Variants in CACNB2 observed in about 807,000 individuals in gnomAD.
CACNB2 encodes voltage-dependent L-type calcium channel subunit beta-2.
Under a neutral mutation model 73.3 loss-of-function variants are expected in CACNB2, and 42 were observed. The ratio of observed to expected loss-of-function variants is 0.57; its 90% confidence interval spans 0.45 to 0.74. The LOEUF (loss-of-function observed/expected upper bound fraction) is 0.74. CACNB2 is among the 30% of genes least tolerant of loss of function. CACNB2 has a pLI of 0.00. For missense variants in CACNB2, 940 were observed against 853.0 expected, an observed-to-expected ratio of 1.10 and a Z score of -1.27; for synonymous variants, 348 against 310.3, an observed-to-expected ratio of 1.12 and a Z score of -1.28.
At chr10:18,195,786 CAGA>C (rs1202153022) in intron 2 of CACNB2, among the ~76,000 whole-genome samples, 2 of 152,090 alleles carry the variant, frequency 1.3e-5, no homozygotes, top group Non-Finnish European at 2.9e-5. Flanking sequence ...TGAGTTGTTG[CAGA>C]AGAAGAAAAA....
rs144741475 is a variant in CACNB2 at position 18,210,058 on chromosome 10, G to C, written c.213+59083G>C. On this transcript the variant is annotated intron_variant, in intron 2 of 13. Coordinates refer to ENST00000324631, the MANE Select transcript of CACNB2 (RefSeq NM_201596.3). ...TAAGGTTGAGAAGAGGTCTCCTTTT[G>C]AGTTACAGGAGGAGGGAATGTCATA... Among the ~76,000 whole-genome samples, 7 of 152,256 alleles carry C rather than the reference G, an allele frequency of 4.6e-5. No individual in the cohort carries two copies. In the East Asian group the frequency reaches 1.2e-3, roughly 25 times the overall value.
intron 3 of CACNB2, among the ~76,000 whole-genome samples, chr10:18,466,959 G>C (rs1178390408): frequency 1.3e-5 from 2 of 152,182 alleles, no homozygotes; most frequent in African/African-American, 4.8e-5. Flanking sequence ...GCTGAGAGCA[G>C]CCTGGCCAAC....
intron 2 of CACNB2, among the ~76,000 whole-genome samples, chr10:18,301,159 AT>A (rs1312131755): frequency 6.6e-6 from 1 of 152,178 alleles, no homozygotes; most frequent in African/African-American, 2.4e-5. Context: ...GGTGATTTTA[AT>A]CCTGACACCA....
At chr10:18,228,962 G>A (rs1043825062) in intron 2 of CACNB2, among the ~76,000 whole-genome samples, 3 of 152,008 alleles carry the variant, frequency 2.0e-5, no homozygotes, top group Non-Finnish European at 4.4e-5. Context: ...AGCTGGTCTC[G>A]AACTCCTGAC....
At chr10:18,246,214 C>T (rs1011030421) in intron 2 of CACNB2, among the ~76,000 whole-genome samples, 1 of 152,152 alleles carries the variant, frequency 6.6e-6, no homozygotes, top group Non-Finnish European at 1.5e-5. Flanking sequence ...CCTCTAGGCT[C>T]AGCTTTCCTG....
At chr10:18,200,769 T>C (rs1474891946) in intron 2 of CACNB2, among the ~76,000 whole-genome samples, 1 of 152,194 alleles carries the variant, frequency 6.6e-6, no homozygotes, top group African/African-American at 2.4e-5. Context: ...AGTTGCCAAG[T>C]AGCAGTCACT....
chr10:18,150,684 ACT>A (rs1045728595), intron 1 of CACNB2, among the ~76,000 whole-genome samples, 197 bp from the exon 2 acceptor site: 4 of 150,964 alleles, frequency 2.6e-5, no homozygotes, highest in African/African-American at 9.7e-5. Flanking sequence ...AGAAAAGAAA[ACT>A]CTCCTCCCCA....
intron 3 of CACNB2, among the ~76,000 whole-genome samples, chr10:18,485,487 C>A (rs1324858164): frequency 3.2e-5 from 4 of 126,932 alleles, no homozygotes; most frequent in Non-Finnish European, 6.7e-5. Context: ...TTAGTGTACA[C>A]AACAAATAAG....
chr10:18,273,824 G>A (rs1368116543), intron 2 of CACNB2, among the ~76,000 whole-genome samples: 1 of 152,160 alleles, frequency 6.6e-6, no homozygotes, highest in Non-Finnish European at 1.5e-5. Flanking sequence ...ACACTTTGAA[G>A]AACATATTTA....
At chr10:18,374,218 G>A (rs61839224) in intron 2 of CACNB2, among the ~76,000 whole-genome samples, 6,622 of 152,254 alleles carry the variant, frequency 0.043, 200 homozygotes, top group Non-Finnish European at 0.068. Flanking sequence ...ATGAGGTGTT[G>A]CCTCTGAAGT....
chr10:18,472,745 T>G (rs892666591), intron 3 of CACNB2, among the ~76,000 whole-genome samples: 13 of 152,228 alleles, frequency 8.5e-5, no homozygotes, highest in Non-Finnish European at 1.9e-4. Flanking sequence ...AGTTCAGTCT[T>G]TAGAAAACAA....
intron 5 of CACNB2, among the ~76,000 whole-genome samples, chr10:18,502,489 G>A (rs993578321): frequency 6.7e-6 from 1 of 149,752 alleles, no homozygotes; most frequent in Non-Finnish European, 1.5e-5. Flanking sequence ...AAGAGATTGA[G>A]ACCATCCTGG....
chr10:18,152,713 A>AT (rs1233414241), intron 2 of CACNB2, among the ~76,000 whole-genome samples: 1 of 119,422 alleles, frequency 8.4e-6, no homozygotes, highest in African/African-American at 3.8e-5. Flanking sequence ...ACAGACCAAA[A>AT]AAAAAAAAAA....
chr10:18,534,113 T>C lies in CACNB2; in HGVS notation c.1092T>C (p.Leu364=), dbSNP rs377767054. The change falls in exon 11 of 14, where the codon CTT becomes CTC. Residue 364 remains leucine, a synonymous_variant. Coordinates refer to ENST00000324631, the MANE Select transcript of CACNB2 (RefSeq NM_201596.3). ...VQSEIERIFE[L]ARTLQLVVLD... is the part of the protein sequence containing the mutation. Reference sequence around the variant, plus strand: ...GTGAAATCGAAAGGATTTTTGAACTTGCAAGAACATTGCAGTTGGTGGTCC... The same window carrying C: ...GTGAAATCGAAAGGATTTTTGAACTCGCAAGAACATTGCAGTTGGTGGTCC... The C allele has an allele frequency of 8.1e-6, 13 of 1,614,114 alleles. No homozygotes were observed. In the African/African-American group the frequency reaches 9.3e-5, roughly 12 times the overall value.
At chr10:18,346,199 G>C (rs2041445627) in intron 2 of CACNB2, among the ~76,000 whole-genome samples, 1 of 151,006 alleles carries the variant, frequency 6.6e-6, no homozygotes, top group African/African-American at 2.4e-5. Context: ...GAGTGCAGTG[G>C]CGCGATCTCA....
At chr10:18,536,240 GA>G (rs2053560132) in intron 12 of CACNB2, 44 bp downstream of exon 12, 1 of 256,704 alleles carries the variant, frequency 3.9e-6, no homozygotes, top group Admixed American at 6.7e-5. Context: ...ACAGAGATCA[GA>G]CCTTTTTTTT....
intron 2 of CACNB2, among the ~76,000 whole-genome samples, chr10:18,164,707 C>T (rs1265630838): frequency 6.6e-6 from 1 of 151,568 alleles, no homozygotes; most frequent in East Asian, 1.9e-4. Flanking sequence ...ATGTTTCAGC[C>T]CGGACATCTG....
In CACNB2 at chr10:18,344,697, A is replaced by G. The variant is rs138426738; in HGVS notation, c.214-57227A>G. Among the ~76,000 whole-genome samples, 16 of 152,262 alleles carry G rather than the reference A, an allele frequency of 1.1e-4. No individual in the cohort carries two copies. In the East Asian group the frequency reaches 3.1e-3, roughly 29 times the overall value. On this transcript the variant is annotated intron_variant, in intron 2 of 13. Coordinates refer to ENST00000324631, the MANE Select transcript of CACNB2 (RefSeq NM_201596.3). ...CAAAGTAATTAAAGTTTTTACCACT[A>G]AAAATAGAAGAAATTGGCTGGGGGC...
intron 2 of CACNB2, among the ~76,000 whole-genome samples, chr10:18,339,785 A>C (rs148196521): frequency 6.6e-5 from 10 of 152,352 alleles, no homozygotes; most frequent in African/African-American, 2.4e-4. Flanking sequence ...CATGTGCCAC[A>C]AAATACCATT....
Sources: gnomAD v4.1 joint callset for allele counts (sites outside exome capture counted in the v4.1 genomes callset) on GRCh38, gnomAD v4.1.1 for gene constraint, MANE v1.5 for transcripts, NCBI Gene and HGNC (gene_info 2026-07-23, HGNC 2026-07-21) for gene names.